Variants in HERC3 observed in about 807,000 individuals in gnomAD.
HERC3 encodes the protein probable E3 ubiquitin-protein ligase HERC3.
In HERC3, 58 loss-of-function variants were observed where a neutral mutation model predicts 129.9. The observed-to-expected ratio is 0.45, with a 90% CI of 0.36 to 0.56. HERC3 has a LOEUF of 0.56. Among genes scored for constraint, HERC3 ranks in the 20% least tolerant of loss-of-function variants. HERC3 has a pLI of 0.00. For synonymous variants in HERC3, 430 were observed against 451.0 expected (o/e 0.95, Z 0.59); for missense variants, 835 against 1,244.2 (o/e 0.67, Z 4.95).
intron 23 of HERC3, among the ~76,000 whole-genome samples, chr4:88,695,394 T>TA (rs990242872): frequency 2.0e-5 from 3 of 152,030 alleles, no homozygotes; most frequent in East Asian, 1.9e-4. Flanking sequence ...GTCCAGTTTT[T>TA]AAAAAAAACT....
At chr4:88,532,280 C>G in the HERC3 span, among the ~76,000 whole-genome samples, 1 of 152,152 alleles carries the variant, frequency 6.6e-6, no homozygotes, top group Non-Finnish European at 1.5e-5. Context: ...CCTCTGCAAG[C>G]TGGAAAACCA....
chr4:88,559,265 CT>C, the HERC3 span, among the ~76,000 whole-genome samples: 17 of 152,044 alleles, frequency 1.1e-4, no homozygotes, highest in South Asian at 6.2e-4. Flanking sequence ...CACATAGTTA[CT>C]TTTTTTTGTT....
At chr4:88,692,826 T>A in intron 23 of HERC3, 5 of 899,648 alleles carry the variant, frequency 5.6e-6, no homozygotes, top group Non-Finnish European at 5.3e-6. Context: ...TAGACTGCGC[T>A]CCATGGGTAC....
chr4:88,688,545 AT>A (rs374340830), intron 23 of HERC3, among the ~76,000 whole-genome samples: 20 of 152,290 alleles, frequency 1.3e-4, no homozygotes, highest in African/African-American at 4.6e-4. Context: ...AGAGTTATAT[AT>A]TGATAATAAT....
intron 12 of HERC3, 70 bp from the exon 13 acceptor site, chr4:88,667,307 T>G: frequency 1.3e-6 from 1 of 755,634 alleles, no homozygotes; most frequent in East Asian, 2.7e-5. Flanking sequence ...AGTATTTTAC[T>G]TGTTTATAAT....
chr4:88,616,449 AT>A (rs1252821328), intron 3 of HERC3, among the ~76,000 whole-genome samples: 2 of 152,230 alleles, frequency 1.3e-5, no homozygotes, highest in African/African-American at 4.8e-5. Flanking sequence ...GCTGGGTAGT[AT>A]GATCTTGTCA....
At chr4:88,702,698 G>A (rs1201036702) in intron 23 of HERC3, among the ~76,000 whole-genome samples, 3 of 152,154 alleles carry the variant, frequency 2.0e-5, no homozygotes, top group Non-Finnish European at 4.4e-5. Context: ...CAGTAAACTT[G>A]CCTGCACTCA....
intron 12 of HERC3, among the ~76,000 whole-genome samples, chr4:88,665,996 T>TTCAGTGGGTAGAAC (rs1182918503): frequency 6.6e-6 from 1 of 152,202 alleles, no homozygotes; most frequent in Non-Finnish European, 1.5e-5. Context: ...GCTATTGGCA[T>TTCAGTGGGTAGAAC]CCAGTGGGTA....
At chr4:88,652,725 G>T in intron 5 of HERC3, 144 bp from the exon 6 acceptor site, 1 of 824,326 alleles carries the variant, frequency 1.2e-6, no homozygotes, top group South Asian at 1.9e-5. Flanking sequence ...TTGGCAGTCT[G>T]ATAGCATGAA....
chr4:88,696,854 G>A (rs186461277), intron 23 of HERC3: 13 of 217,966 alleles, frequency 6.0e-5, no homozygotes, highest in Non-Finnish European at 8.9e-5. Flanking sequence ...CATGTGTAGC[G>A]TATGCTGTGT....
At chr4:88,697,040 G>GC (rs1423234961) in intron 23 of HERC3, 5 of 605,652 alleles carry the variant, frequency 8.3e-6, no homozygotes, top group Non-Finnish European at 1.4e-5. Context: ...AATCGAGCTG[G>GC]CCAGGATCTA....
intron 16 of HERC3, among the ~76,000 whole-genome samples, chr4:88,673,173 T>C (rs1731793030): frequency 6.6e-6 from 1 of 152,072 alleles, no homozygotes; most frequent in African/African-American, 2.4e-5. Context: ...ACTTAAAAAA[T>C]AAAAGCTAGA....
chr4:88,692,935 C>T (rs77431548), intron 23 of HERC3: 29,231 of 985,150 alleles, frequency 0.03, 474 homozygotes, highest in Non-Finnish European at 0.033. Flanking sequence ...TGCTGTTTTT[C>T]GTTTCAGGCT....
intron 3 of HERC3, among the ~76,000 whole-genome samples, chr4:88,617,175 C>CA (rs1162260456): frequency 0.081 from 2,559 of 31,518 alleles, 166 homozygotes; most frequent in Admixed American, 0.11. Flanking sequence ...ACCCTGTCTC[C>CA]AAAAAAAAAA....
chr4:88,617,795 T>C (rs553677762), intron 3 of HERC3, among the ~76,000 whole-genome samples: 34 of 151,548 alleles, frequency 2.2e-4, no homozygotes, highest in Middle Eastern at 3.4e-3. Context: ...GACGTGAACC[T>C]GGGAGGCAGA....
At chr4:88,685,791 C>T (rs1040309494) in intron 21 of HERC3, among the ~76,000 whole-genome samples, 1 of 149,358 alleles carries the variant, frequency 6.7e-6, no homozygotes, top group African/African-American at 2.4e-5. Context: ...TAAAGCCAGT[C>T]TAACTGGGTG....
upstream of HERC3, among the ~76,000 whole-genome samples, chr4:88,590,567 A>G (rs1475199675): frequency 1.3e-5 from 2 of 152,226 alleles, no homozygotes; most frequent in Non-Finnish European, 2.9e-5. Context: ...TCAAAAACAA[A>G]AAACAAAAAA....
At chr4:88,697,764 GA>G (rs751487322) in intron 23 of HERC3, 14 of 1,599,190 alleles carry the variant, frequency 8.8e-6, no homozygotes, top group Middle Eastern at 4.1e-4. Context: ...TGTTAGAGGA[GA>G]AGCCGCAGAG....
the HERC3 span, among the ~76,000 whole-genome samples, chr4:88,557,561 A>G: frequency 1.3e-5 from 2 of 152,262 alleles, no homozygotes; most frequent in African/African-American, 4.8e-5. Context: ...GTATATAAAT[A>G]TAGAATGGAA....
Sources: gnomAD v4.1 joint callset for allele counts (sites outside exome capture counted in the v4.1 genomes callset) on GRCh38, gnomAD v4.1.1 for gene constraint, MANE v1.5 for transcripts, NCBI Gene and HGNC (gene_info 2026-07-23, HGNC 2026-07-21) for gene names.